SPATA6: variants seen among roughly 807,000 people sequenced by gnomAD.
SPATA6 encodes the protein spermatogenesis associated 6.
In SPATA6, 56 loss-of-function variants were observed where a neutral mutation model predicts 65.3. That is an observed-to-expected ratio of 0.86 (90% CI 0.69 to 1.07). The LOEUF is 1.07. Among genes scored for constraint, SPATA6 ranks in the 50% least tolerant of loss-of-function variants. The pLI, the probability that SPATA6 is intolerant of heterozygous loss-of-function variation, is 0.00. For synonymous variants in SPATA6, 199 were observed against 213.2 expected, an observed-to-expected ratio of 0.93 and a Z score of 0.58; for missense variants, 590 against 594.8, an observed-to-expected ratio of 0.99 and a Z score of 0.08.
At chr1:48,333,612 T>C (rs1274380085) in intron 11 of SPATA6, among the ~76,000 whole-genome samples, 3 of 152,244 alleles carry the variant, frequency 2.0e-5, no homozygotes, top group East Asian at 1.9e-4. Flanking sequence ...AACGAAGACA[T>C]AGCATATCAG....
At chr1:48,403,020 A>T (rs1651319358) in intron 6 of SPATA6, among the ~76,000 whole-genome samples, 2 of 152,094 alleles carry the variant, frequency 1.3e-5, no homozygotes, top group African/African-American at 4.8e-5. Flanking sequence ...TCAAAAAAAT[A>T]CAAAAGTTAG....
intron 1 of SPATA6, among the ~76,000 whole-genome samples, chr1:48,468,468 C>G (rs994418166): frequency 6.6e-6 from 1 of 152,126 alleles, no homozygotes; most frequent in Non-Finnish European, 1.5e-5. Context: ...TTACACTGTA[C>G]AAAGTGATGT....
chr1:48,273,685 T>A, the SPATA6 span, among the ~76,000 whole-genome samples: 1 of 152,224 alleles, frequency 6.6e-6, no homozygotes, highest in African/African-American at 2.4e-5. Context: ...CCTTTTTTTA[T>A]GGCTGCAGAG....
intron 3 of SPATA6, among the ~76,000 whole-genome samples, chr1:48,446,253 C>G (rs550674443): frequency 6.6e-6 from 1 of 152,180 alleles, no homozygotes; most frequent in Non-Finnish European, 1.5e-5. Flanking sequence ...AGAAATCACT[C>G]TACTGCCGTG....
Position 48,413,154 on chromosome 1 carries a change from A to G in SPATA6, c.239-3T>C, listed in dbSNP as rs1370024015. On this transcript the variant is annotated splice_region_variant and splice_polypyrimidine_tract_variant and intron_variant, in intron 3 of 12. Transcript: ENST00000371847. ...CAACTCGAACACTGCTGTATCATCT[A>G]AAAGTTTAAAGAAAAATTTCCTTAA... 2.1e-6 allele frequency: 3 copies of G among 1,423,428 alleles called. No homozygotes were observed. Among genetic ancestry groups the G allele is most frequent in the Non-Finnish European group, 2.8e-6 (3 of 1,087,084 alleles). 88.2% of individuals were successfully genotyped at this position (1,423,428 alleles called of 1,614,324 possible). A position where few individuals can be genotyped will look rare whatever the true frequency, so the allele number is the denominator to read the frequency against.
intron 12 of SPATA6, among the ~76,000 whole-genome samples, chr1:48,301,907 C>T (rs1312518065): frequency 6.6e-6 from 1 of 152,070 alleles, no homozygotes; most frequent in African/African-American, 2.4e-5. Flanking sequence ...AAATGTGAGA[C>T]CTGAAAGGAT....
At chr1:48,286,961 C>T in the SPATA6 span, among the ~76,000 whole-genome samples, 1 of 151,396 alleles carries the variant, frequency 6.6e-6, no homozygotes, top group South Asian at 2.1e-4. Context: ...ATCACTTGAA[C>T]CCAGGAGGCA....
At chr1:48,415,196 T>C (rs183204748) in intron 3 of SPATA6, among the ~76,000 whole-genome samples, 30 of 152,354 alleles carry the variant, frequency 2.0e-4, no homozygotes, top group Admixed American at 9.8e-4. Context: ...TGATTAGTCT[T>C]GGCTACAAGT....
chr1:48,472,027 CG>C lies in SPATA6; in HGVS notation c.-20del. On this transcript the variant is annotated 5_prime_UTR_variant, in exon 1 of 13. Transcript: ENST00000371847. ...TCGGCATCCGTGCGGGGAGGGGCGG[CG>C]GGGAGTGACCCCGGCCACGGGCCCG... is the stretch of plus-strand genomic sequence containing the variant. 7.5e-7 allele frequency: 1 copy of C among 1,339,172 alleles called. No homozygotes were observed. The allele number at this position is 1,339,172 out of a possible 1,614,324, so 83.0% of individuals were successfully genotyped here. A position where few individuals can be genotyped will look rare whatever the true frequency, so the allele number is the denominator to read the frequency against.
intron 11 of SPATA6, among the ~76,000 whole-genome samples, chr1:48,336,333 T>C (rs1291179143): frequency 6.6e-6 from 1 of 152,096 alleles, no homozygotes; most frequent in East Asian, 1.9e-4. Context: ...TGCATGTGTA[T>C]ATTCACTGCA....
chr1:48,468,247 C>T (rs553570453), intron 1 of SPATA6, among the ~76,000 whole-genome samples: 32 of 152,224 alleles, frequency 2.1e-4, no homozygotes, highest in African/African-American at 7.7e-4. Context: ...ATTTCTATCA[C>T]TATGGATTAC....
intron 1 of SPATA6, 77 bp downstream of exon 1, chr1:48,471,879 GGT>G: frequency 6.6e-7 from 1 of 1,519,102 alleles, no homozygotes. Flanking sequence ...GAGGTTTGGG[GGT>G]GGTTCCGGGC....
the SPATA6 span, among the ~76,000 whole-genome samples, chr1:48,285,655 T>C: frequency 6.6e-6 from 1 of 152,104 alleles, no homozygotes; most frequent in African/African-American, 2.4e-5. Context: ...CCGTTCCTCA[T>C]GGCACAGTCC....
intron 9 of SPATA6, among the ~76,000 whole-genome samples, chr1:48,378,486 G>A (rs1443868404): frequency 6.6e-6 from 1 of 152,112 alleles, no homozygotes; most frequent in African/African-American, 2.4e-5. Flanking sequence ...ACACAAGACT[G>A]GGAAGAAAAA....
At chr1:48,378,809 C>G (rs1648218167) in intron 9 of SPATA6, among the ~76,000 whole-genome samples, 1 of 152,104 alleles carries the variant, frequency 6.6e-6, no homozygotes, top group South Asian at 2.1e-4. Context: ...GGATTTCAAG[C>G]AAGTGGTAAG....
the SPATA6 span, among the ~76,000 whole-genome samples, chr1:48,286,075 T>A: frequency 6.6e-6 from 1 of 152,222 alleles, no homozygotes; most frequent in African/African-American, 2.4e-5. Flanking sequence ...TTATTATAGC[T>A]TTGTAATAAA....
chr1:48,373,810 C>T (rs1281569912), intron 9 of SPATA6, among the ~76,000 whole-genome samples: 1 of 152,172 alleles, frequency 6.6e-6, no homozygotes, highest in African/African-American at 2.4e-5. Flanking sequence ...TTGACACTTA[C>T]TTACTATTAG....
At chr1:48,293,504 A>G (rs1368069879), downstream of SPATA6, among the ~76,000 whole-genome samples, 2 of 152,152 alleles carry the variant, frequency 1.3e-5, no homozygotes, top group East Asian at 3.9e-4. Context: ...GTTGAGGGCC[A>G]GGGTCTCCTA....
intron 9 of SPATA6, among the ~76,000 whole-genome samples, chr1:48,364,009 C>A (rs536001151): frequency 2.6e-5 from 4 of 151,738 alleles, no homozygotes; most frequent in Admixed American, 2.6e-4. Flanking sequence ...TGTCCATGTG[C>A]TCTCCTTGTT....
Sources: allele counts gnomAD v4.1 joint callset (sites outside exome capture counted in the v4.1 genomes callset), GRCh38; gene constraint gnomAD v4.1.1; transcripts MANE v1.5; gene names NCBI Gene and HGNC (gene_info 2026-07-23, HGNC 2026-07-21).